Variants in NSD2 observed in about 807,000 individuals in gnomAD.
NSD2 encodes the protein histone-lysine N-methyltransferase NSD2.
In NSD2, 12 loss-of-function variants were observed where a neutral mutation model predicts 139.0. The ratio of observed to expected loss-of-function variants is 0.09; its 90% CI spans 0.06 to 0.14. The LOEUF (loss-of-function observed/expected upper bound fraction) is 0.14, where lower values mean the gene tolerates loss of function less well. NSD2 is among the 10% of genes least tolerant of loss of function. NSD2 has a pLI of 1.00. For missense variants in NSD2, 1,155 were observed against 1,745.0 expected, an observed-to-expected ratio of 0.66 and a Z score of 6.02; for synonymous variants, 669 against 648.7, an observed-to-expected ratio of 1.03 and a Z score of -0.48.
intron 1 of NSD2, among the ~76,000 whole-genome samples, chr4:1,896,605 A>T (rs919669069): frequency 6.6e-6 from 1 of 152,086 alleles, no homozygotes; most frequent in Non-Finnish European, 1.5e-5. Context: ...GGTTCAAGCA[A>T]TCCTCCCTCT....
In NSD2 at chr4:1,974,783, G is replaced by C. The variant is rs1726896704; in HGVS notation, c.3373-80G>C. ...ACAAGGAACACAACTTGTTCAATGT[G>C]CTTTATGATGGTGAAAATTCCCTTT... On this transcript the variant is annotated intron_variant, in intron 18 of 21. Transcript: ENST00000508803. The surrounding 1 kb of genome is among the most constrained non-coding windows in gnomAD (Gnocchi z 4.0). The C allele has an allele frequency of 4.4e-6, 7 of 1,591,378 alleles. No homozygotes were observed. Among genetic ancestry groups the C allele is most frequent in the Non-Finnish European group, 6.0e-6 (7 of 1,161,312 alleles).
In NSD2 at chr4:1,963,492, C is replaced by T. The variant is rs535189593; in HGVS notation, c.3372+2341C>T. ...TAGACATCGAAGCCCTAGGTCTGTG[C>T]CTTATGTTTTGGAGTCTAAATGTAA... On this transcript the variant is annotated intron_variant, in intron 18 of 21. Coordinates refer to ENST00000508803, the MANE Select transcript of NSD2 (RefSeq NM_001042424.3). Among the ~76,000 whole-genome samples, 6 of 152,250 alleles carry T rather than the reference C, an allele frequency of 3.9e-5. No individual in the cohort carries two copies. The East Asian group carries it at 1.2e-3, about 29-fold the overall frequency.
At position 1,911,587 on chromosome 4, in the gene NSD2, C is replaced by CAAAA. The variant is rs372660600; in HGVS notation, c.761-5267_761-5264dup. Among the ~76,000 whole-genome samples, 217 of 42,012 alleles carry CAAAA rather than the reference C, an allele frequency of 5.2e-3. 10 individuals are homozygous for CAAAA. The highest frequency in any genetic ancestry group is 0.018 in the Middle Eastern group (1 of 56). 27.6% of individuals were successfully genotyped at this position (42,012 alleles called of 152,430 possible). The stretch of plus-strand genomic sequence containing the variant: ...TGGGCGACAGAGCGAGACGCCATCT[C>CAAAA]AAAAAAAAAAAAAAAAAAAAGAAAA... On this transcript the variant is annotated intron_variant, in intron 3 of 21. Coordinates refer to ENST00000508803, the MANE Select transcript of NSD2 (RefSeq NM_001042424.3).
chr4:1,932,721 A>G (rs970342301), intron 6 of NSD2, among the ~76,000 whole-genome samples: 3 of 152,148 alleles, frequency 2.0e-5, no homozygotes, highest in African/African-American at 7.2e-5. Context: ...ATTCCAGCCA[A>G]TGGAATGGCC....
At position 1,953,415 on chromosome 4, in the gene NSD2, T is replaced by C. The variant is rs752421548; in HGVS notation, c.2229T>C (p.Cys743=). 6 of 1,614,100 alleles carry C rather than the reference T, an allele frequency of 3.7e-6. No homozygotes were observed. In the Admixed American group the frequency reaches 8.3e-5, roughly 22 times the overall value. ...GTGGAAAATTTTACCATGAGGCTTG[T>C]GTGAAAAAATACCCTCTGACTGTAT... is the stretch of plus-strand genomic sequence containing the variant. ...TQCGKFYHEA[C]VKKYPLTVFE... The change falls in exon 12 of 22, where the codon TGT becomes TGC. Residue 743 remains cysteine, a synonymous_variant. Coordinates refer to ENST00000508803, the MANE Select transcript of NSD2 (RefSeq NM_001042424.3).
In NSD2 at chr4:1,976,257, C is replaced by T. The variant is rs1000223443; in HGVS notation, c.3622-218C>T. 6.9e-6 allele frequency: 4 copies of T among 576,098 alleles called. No individual in the cohort carries two copies. In the South Asian group the frequency reaches 8.4e-5, roughly 12 times the overall value. The allele number at this position is 576,098 out of a possible 1,614,324, so 35.7% of individuals were successfully genotyped here. A position where few individuals can be genotyped will look rare whatever the true frequency, so the allele number is the denominator to read the frequency against. ...GCGTCATTGCAGGCTTCCGACAAAG[C>T]TCACTCTAGTCGTAGTCTTTGTTCA... On this transcript the variant is annotated intron_variant, in intron 20 of 21. Coordinates refer to ENST00000508803, the MANE Select transcript of NSD2 (RefSeq NM_001042424.3). This position sits in a 1 kb window ranked among gnomAD's most constrained non-coding sequence, Gnocchi z 5.3.
chr4:1,907,964 C>T (rs773963152), intron 3 of NSD2, among the ~76,000 whole-genome samples: 2 of 152,136 alleles, frequency 1.3e-5, no homozygotes, highest in East Asian at 1.9e-4. Flanking sequence ...CCCCCAAATA[C>T]GTCAGAACAA....
chr4:1,898,011 CT>C (rs965691475), intron 1 of NSD2, among the ~76,000 whole-genome samples: 67 of 151,488 alleles, frequency 4.4e-4, no homozygotes, highest in African/African-American at 1.4e-3. Flanking sequence ...ATATTTTTGC[CT>C]TTTTTTTTCC....
intron 9 of NSD2, chr4:1,947,262 G>A (rs1723732095): frequency 9.4e-7 from 1 of 1,063,302 alleles, no homozygotes; most frequent in African/African-American, 1.6e-5. Context: ...CCTTTGACAA[G>A]GGCAGGCCTT....
At chr4:1,905,171 A>G (rs1717724321) in intron 3 of NSD2, among the ~76,000 whole-genome samples, 1 of 152,204 alleles carries the variant, frequency 6.6e-6, no homozygotes, top group Non-Finnish European at 1.5e-5. Flanking sequence ...GATACAGAGC[A>G]AATAATGGTT....
At chr4:1,923,417 G>A (rs1329586274) in intron 5 of NSD2, among the ~76,000 whole-genome samples, 1 of 152,142 alleles carries the variant, frequency 6.6e-6, no homozygotes, top group Non-Finnish European at 1.5e-5. Context: ...GAAGGAGAAG[G>A]GCAAGTTTCT....
chr4:1,951,996 T>A, intron 10 of NSD2, 112 bp from the exon 11 acceptor site: 1 of 1,499,004 alleles, frequency 6.7e-7, no homozygotes, highest in Non-Finnish European at 8.9e-7. Flanking sequence ...TATCCTTGAG[T>A]AGCAAAATGG....
rs748254650 is a variant in NSD2 at position 1,978,768 on chromosome 4, G to T, written c.3957G>T (p.Gly1319=). The change falls in exon 22 of 22, where the codon GGG becomes GGT. Residue 1319 remains glycine, a synonymous_variant. Coordinates refer to ENST00000508803, the MANE Select transcript of NSD2 (RefSeq NM_001042424.3). ...DGTAFSCTPD[G]RSYCCEHDLG... is the part of the protein sequence containing the mutation. The stretch of plus-strand genomic sequence containing the variant: ...CAGCCTTCAGCTGCACCCCGGACGG[G>T]CGGTCCTACTGCTGTGAGCATGACT... The T allele has an allele frequency of 4.3e-6, 7 of 1,614,090 alleles. No homozygotes were observed. The highest frequency in any genetic ancestry group is 1.6e-4 in the Middle Eastern group (1 of 6,062).
At position 1,935,154 on chromosome 4, in the gene NSD2, T is replaced by C; in HGVS notation, c.1566T>C (p.Asn522=). ...VQAEEDSGNV[N]GKKRNHTKRI... ...ATTCCCCATTCCAAGGTAATGTAAA[T>C]GGGAAAAAAAGAAACCACACAAAGA... The change falls in exon 7 of 22, where the codon AAT becomes AAC. Residue 522 remains asparagine (N), a synonymous_variant. Transcript: ENST00000508803. 1.9e-6 allele frequency: 3 copies of C among 1,608,716 alleles called. No individual in the cohort carries two copies.
At chr4:1,904,166 C>T (rs749203286) in intron 2 of NSD2, 50 bp from the exon 3 acceptor site, 107 of 1,582,464 alleles carry the variant, frequency 6.8e-5, no homozygotes, top group Non-Finnish European at 8.9e-5. Flanking sequence ...TCTGGATACA[C>T]AGGTAGTGAT....
chr4:1,893,008 C>T (rs1715722538), intron 1 of NSD2: 1 of 152,004 alleles, frequency 6.6e-6, no homozygotes, highest in Non-Finnish European at 1.5e-5. Flanking sequence ...TATTTATAAA[C>T]GAGGAATTCT....
At position 1,941,822 on chromosome 4, in the gene NSD2, A is replaced by G. The variant is rs145132867; in HGVS notation, c.1881+2044A>G. 1.5e-4 allele frequency: 158 copies of G among 1,052,918 alleles called. No individual in the cohort carries two copies. In the East Asian group the frequency reaches 8.0e-3, roughly 53 times the overall value. The allele number at this position is 1,052,918 out of a possible 1,614,324, so 65.2% of individuals were successfully genotyped here. A position where few individuals can be genotyped will look rare whatever the true frequency, so the allele number is the denominator to read the frequency against. ...TTTAGGTGAACAAATAAACTTGTCT[A>G]TTATATATTAACGCGACTGAACTAC... On this transcript the variant is annotated intron_variant, in intron 9 of 21. Coordinates refer to ENST00000508803, the MANE Select transcript of NSD2 (RefSeq NM_001042424.3).
intron 1 of NSD2, chr4:1,892,728 C>T (rs1715688314): frequency 1.3e-5 from 2 of 152,098 alleles, no homozygotes; most frequent in South Asian, 4.1e-4. Flanking sequence ...ACCACCACGC[C>T]TGGCTAATTT....
rs1050076050 is a variant in NSD2 at position 1,976,516 on chromosome 4, C to G, written c.3663C>G (p.Thr1221=). The change falls in exon 21 of 22, where the codon ACC becomes ACG. Residue 1221 remains threonine (T), a synonymous_variant. Transcript: ENST00000508803. The surrounding 1 kb of genome is among the most constrained non-coding windows in gnomAD (Gnocchi z 5.3). ...CATCAGAGGAAAAGGGCAAAAAGAC[C>G]AAGAAGAAAACGAGGCGGCGCAGAG... ...TLSSEEKGKK[T]KKKTRRRRAK... 5.0e-6 allele frequency: 8 copies of G among 1,613,720 alleles called. No individual in the cohort carries two copies. In the African/African-American group the frequency reaches 8.0e-5, roughly 16 times the overall value.
Sources: allele counts gnomAD v4.1 joint callset (sites outside exome capture counted in the v4.1 genomes callset), GRCh38; gene constraint gnomAD v4.1.1; non-coding constraint Gnocchi (gnomAD v3.1); transcripts MANE v1.5; gene names NCBI Gene and HGNC (gene_info 2026-07-23, HGNC 2026-07-21).